Variants in XG observed in about 807,000 individuals in gnomAD.
XG encodes the protein Xg glycoprotein (Xg blood group).
A neutral mutation model predicts 25.7 loss-of-function variants in XG; 24 were observed. The observed-to-expected ratio is 0.93, with a 90% CI of 0.68 to 1.31. The LOEUF is 1.31. Ranked by LOEUF, XG falls within the 40% of genes most tolerant of loss-of-function variation. XG has a pLI of 0.00. For synonymous variants in XG, 77 were observed against 69.2 expected (o/e 1.11, Z -0.56); for missense variants, 181 against 187.6 (o/e 0.96, Z 0.21).
intron 1 of XG, among the ~76,000 whole-genome samples, chrX:2,762,434 C>T (rs1035566449): frequency 1.3e-5 from 2 of 151,908 alleles, no homozygotes; most frequent in East Asian, 1.9e-4. Flanking sequence ...TCATGGGTTC[C>T]GAGGAGCAGA....
intron 1 of XG, among the ~76,000 whole-genome samples, chrX:2,763,017 A>T (rs2050598832): frequency 6.6e-6 from 1 of 152,162 alleles, no homozygotes; most frequent in African/African-American, 2.4e-5. Flanking sequence ...AAGACTAAAG[A>T]TAACATCCTT....
intron 4 of XG, among the ~76,000 whole-genome samples, chrX:2,787,406 C>A (rs1360386939): frequency 9.0e-6 from 1 of 110,941 alleles, no homozygotes; most frequent in Non-Finnish European, 1.9e-5. Context: ...AGGAGGGAAG[C>A]TCACAGATGA....
chrX:2,775,807 T>A (rs913990355), intron 3 of XG, among the ~76,000 whole-genome samples: 10 of 151,086 alleles, frequency 6.6e-5, no homozygotes, highest in African/African-American at 2.4e-4. Context: ...TATAAAAAAA[T>A]TAGCTGGGCA....
rs1374612445 is a variant in XG at position 2,806,758 on chromosome X, T to C, written c.418+13T>C. On this transcript the variant is annotated intron_variant, in intron 8 of 10. Coordinates refer to ENST00000644266, the MANE Select transcript of XG (RefSeq NM_001141919.2). ...GGAAATACTTATGGTAAAGGAATTATGTCTTACAGAATATGTGAGGCAAAA... is the reference window on the plus strand; with the variant it reads ...GGAAATACTTATGGTAAAGGAATTACGTCTTACAGAATATGTGAGGCAAAA... 2 of 1,129,269 alleles carry C rather than the reference T, an allele frequency of 1.8e-6. No individual in the cohort carries two copies. The highest frequency in any genetic ancestry group is 5.6e-5 in the Admixed American group (2 of 35,976). The allele number at this position is 1,129,269 out of a possible 1,213,427, so 93.1% of individuals were successfully genotyped here.
In XG at chrX:2,782,046, C is replaced by A; in HGVS notation, c.128-20C>A. 1 of 1,207,083 alleles carries A rather than the reference C, an allele frequency of 8.3e-7. No homozygotes were observed. Among genetic ancestry groups the A allele is most frequent in the Non-Finnish European group, 1.1e-6 (1 of 891,435 alleles). On this transcript the variant is annotated intron_variant, in intron 3 of 10. Coordinates refer to ENST00000644266, the MANE Select transcript of XG (RefSeq NM_001141919.2). ...AGGACAATTTTCTTTTCTAACAGTGCAATGTTGTTTCCTCCACAGATATCT... is the reference window on the plus strand; with the variant it reads ...AGGACAATTTTCTTTTCTAACAGTGAAATGTTGTTTCCTCCACAGATATCT...
intron 1 of XG, among the ~76,000 whole-genome samples, chrX:2,763,279 G>A (rs1366429370): frequency 2.0e-5 from 3 of 152,228 alleles, no homozygotes; most frequent in South Asian, 2.1e-4. Flanking sequence ...CTCCCAAAGT[G>A]CTGGGATTGC....
chrX:2,779,439 A>G (rs1358758586), intron 3 of XG, among the ~76,000 whole-genome samples: 1 of 152,038 alleles, frequency 6.6e-6, no homozygotes, highest in East Asian at 1.9e-4. Flanking sequence ...AAAAAAGTCA[A>G]AAGATGAGCT....
At chrX:2,762,446 C>G (rs755591149) in intron 1 of XG, among the ~76,000 whole-genome samples, 74 of 152,156 alleles carry the variant, frequency 4.9e-4, no homozygotes, top group Non-Finnish European at 8.4e-4. Flanking sequence ...AGGAGCAGAT[C>G]ATGCACCAGG....
chrX:2,797,907 G>T (rs1230534405), intron 7 of XG, among the ~76,000 whole-genome samples: 1 of 111,172 alleles, frequency 9.0e-6, no homozygotes, highest in Non-Finnish European at 1.9e-5. Flanking sequence ...AGGCGTGGTG[G>T]CATGTGCCTG....
At chrX:2,761,956 GT>G (rs1393580972) in intron 1 of XG, among the ~76,000 whole-genome samples, 4 of 152,192 alleles carry the variant, frequency 2.6e-5, no homozygotes, top group Non-Finnish European at 4.4e-5. Flanking sequence ...GTCCTGCAAA[GT>G]GAGATCCATG....
At chrX:2,780,409 C>CT (rs761736293) in intron 3 of XG, among the ~76,000 whole-genome samples, 40,450 of 122,222 alleles carry the variant, frequency 0.33, 3,445 homozygotes, top group African/African-American at 0.4. Flanking sequence ...AACAATTGGG[C>CT]TTTTTTTTTT....
chrX:2,753,531 G>A (rs2050374938), intron 1 of XG, among the ~76,000 whole-genome samples: 1 of 151,862 alleles, frequency 6.6e-6, no homozygotes, highest in Non-Finnish European at 1.5e-5. Context: ...TGTAAAATTG[G>A]TATGCATTCA....
At chrX:2,762,463 TG>T in intron 1 of XG, among the ~76,000 whole-genome samples, 1 of 152,176 alleles carries the variant, frequency 6.6e-6, no homozygotes, top group East Asian at 1.9e-4. Flanking sequence ...CAGGGCGGCC[TG>T]CTCAGCTCTG....
At chrX:2,758,372 A>G (rs2050483257) in intron 1 of XG, among the ~76,000 whole-genome samples, 1 of 152,162 alleles carries the variant, frequency 6.6e-6, no homozygotes, top group Non-Finnish European at 1.5e-5. Flanking sequence ...GGGAGCTGGG[A>G]GACCTGCATT....
chrX:2,810,293 G>C lies in XG; in HGVS notation c.455-1043G>C, dbSNP rs186303781. 4.2e-4 allele frequency among the ~76,000 whole-genome samples: 47 copies of C among 111,563 alleles called. No homozygotes were observed. In the East Asian group the frequency reaches 0.013, roughly 30 times the overall value. ...ATTTCTTCCTTTTTTCCCTTTGGAA[G>C]TGTTGATTTTTGTCACATCAAGCTC... On this transcript the variant is annotated intron_variant, in intron 9 of 10. Transcript: ENST00000644266.
chrX:2,779,260 C>G (rs1300144095), intron 3 of XG, among the ~76,000 whole-genome samples: 1 of 149,042 alleles, frequency 6.7e-6, no homozygotes, highest in South Asian at 2.1e-4. Flanking sequence ...CACTTGAGCT[C>G]GAGAGGTGGA....
chrX:2,755,463 C>T (rs1222918568), intron 1 of XG, among the ~76,000 whole-genome samples: 4 of 152,244 alleles, frequency 2.6e-5, no homozygotes, highest in South Asian at 2.1e-4. Context: ...GGGTTCTGGC[C>T]GGCTTCTTTA....
intron 1 of XG, among the ~76,000 whole-genome samples, chrX:2,767,423 C>T (rs1186240297): frequency 6.6e-6 from 1 of 152,128 alleles, no homozygotes; most frequent in African/African-American, 2.4e-5. Flanking sequence ...CAAAATGAGG[C>T]TGCTTTCTTC....
chrX:2,779,959 T>C (rs2051082880), intron 3 of XG, among the ~76,000 whole-genome samples: 2 of 152,232 alleles, frequency 1.3e-5, no homozygotes, highest in Non-Finnish European at 2.9e-5. Context: ...TGGTATACTT[T>C]AAATTATCTC....
Sources: allele counts gnomAD v4.1 joint callset (sites outside exome capture counted in the v4.1 genomes callset), GRCh38; gene constraint gnomAD v4.1.1; transcripts MANE v1.5; gene names NCBI Gene and HGNC (gene_info 2026-07-23, HGNC 2026-07-21).